NTAQ1: variants seen among roughly 807,000 people sequenced by gnomAD.
The protein encoded by NTAQ1 is N-terminal glutamine amidase 1.
NTAQ1 carries 21 observed loss-of-function variants against 28.2 expected under a neutral mutation model. The ratio of observed to expected loss-of-function variants is 0.74; its 90% CI spans 0.53 to 1.07. NTAQ1 has a LOEUF of 1.07. NTAQ1 is among the 50% of genes least tolerant of loss of function. The pLI is 0.00. For synonymous variants in NTAQ1, 105 were observed against 90.0 expected (o/e 1.17, Z -0.94); for missense variants, 264 against 256.6 (o/e 1.03, Z -0.20).
intron 1 of NTAQ1, among the ~76,000 whole-genome samples, chr8:123,421,512 CTTT>C (rs71310677): frequency 2.2e-5 from 3 of 133,878 alleles, no homozygotes; most frequent in African/African-American, 5.5e-5. Flanking sequence ...TCTCTTTTTC[CTTT>C]TTTTTTTTTT....
intron 6 of NTAQ1, among the ~76,000 whole-genome samples, chr8:123,465,069 A>G (rs907149922): frequency 4.6e-5 from 7 of 152,136 alleles, no homozygotes; most frequent in African/African-American, 1.7e-4. Flanking sequence ...CAGGGGAGAG[A>G]CGATACTGAG....
At chr8:123,468,206 A>G (rs1816002552) in exon 7 of NTAQ1, among the ~76,000 whole-genome samples, 1 of 152,190 alleles carries the variant, frequency 6.6e-6, no homozygotes, top group African/African-American at 2.4e-5. Context: ...ATAAATTCAA[A>G]ACTTTATTTA....
downstream of NTAQ1, among the ~76,000 whole-genome samples, chr8:123,447,009 C>T (rs182818260): frequency 3.1e-3 from 464 of 149,280 alleles, 4 homozygotes; most frequent in African/African-American, 0.011. Flanking sequence ...CATCTGTGCC[C>T]TGTTCATTGT....
Position 123,441,380 on chromosome 8 carries a change from G to A in NTAQ1, c.583G>A (p.Glu195Lys), listed in dbSNP as rs200870379. The A allele has an allele frequency of 2.7e-5, 43 of 1,611,258 alleles. No homozygotes were observed. Among genetic ancestry groups the A allele is most frequent in the Middle Eastern group, 1.7e-4 (1 of 6,056 alleles). Residue 195 changes from glutamate to lysine, a missense_variant, in exon 6 of 6, where the codon GAA becomes AAA. Coordinates refer to ENST00000287387, the MANE Select transcript of NTAQ1 (RefSeq NM_018024.3). ...VGWGAVYTLS[E>K]FTHRFGSKNC The stretch of plus-strand genomic sequence containing the variant: ...ATGGGGCGCCGTCTACACACTATCC[G>A]AATTTACACATCGGTTTGGCAGTAA...
rs529673371 is a variant in NTAQ1, at chr8:123,420,976, G to A, written c.83+4044G>A. Reference sequence around the variant, plus strand: ...TAATTTGTGTATTTTTAGTAGAGACGGGGTTTCACCATGTTGGCCAAGATT... The same window carrying A: ...TAATTTGTGTATTTTTAGTAGAGACAGGGTTTCACCATGTTGGCCAAGATT... On this transcript the variant is annotated intron_variant, in intron 1 of 5. Transcript: ENST00000287387. 1.0e-3 allele frequency among the ~76,000 whole-genome samples: 153 copies of A among 151,656 alleles called. 1 individual carries two copies. Among genetic ancestry groups the A allele is most frequent in the South Asian group, 1.0e-3 (5 of 4,796 alleles).
At chr8:123,451,791 A>G (rs189140887), downstream of NTAQ1, among the ~76,000 whole-genome samples, 3 of 152,328 alleles carry the variant, frequency 2.0e-5, no homozygotes, top group East Asian at 1.9e-4. Flanking sequence ...CCTGTCACCA[A>G]AGGGGTCTGG....
At chr8:123,447,621 A>G (rs1263808795) in intron 6 of NTAQ1, among the ~76,000 whole-genome samples, 1 of 152,174 alleles carries the variant, frequency 6.6e-6, no homozygotes, top group Non-Finnish European at 1.5e-5. Flanking sequence ...ATTCAAATTA[A>G]GGAAAAAAAG....
At chr8:123,469,838 A>C (rs1216545368) in exon 7 of NTAQ1, among the ~76,000 whole-genome samples, 2 of 152,222 alleles carry the variant, frequency 1.3e-5, no homozygotes, top group African/African-American at 4.8e-5. Flanking sequence ...TCTATGCAGA[A>C]TCTCGTCTTC....
chr8:123,432,391 G>A (rs1814450226), intron 3 of NTAQ1, among the ~76,000 whole-genome samples: 3 of 152,092 alleles, frequency 2.0e-5, no homozygotes, highest in Admixed American at 2.0e-4. Flanking sequence ...TGTAATCCCA[G>A]CACTTTGGGA....
chr8:123,458,554 A>G (rs570600949), intron 6 of NTAQ1, among the ~76,000 whole-genome samples: 6 of 151,960 alleles, frequency 3.9e-5, no homozygotes, highest in Admixed American at 1.3e-4. Context: ...CAGAAAGCCC[A>G]TGAGCTCATG....
chr8:123,466,269 C>CACT (rs1815959020), intron 6 of NTAQ1, among the ~76,000 whole-genome samples: 1 of 152,162 alleles, frequency 6.6e-6, no homozygotes, highest in Non-Finnish European at 1.5e-5. Flanking sequence ...ACAACTGTGC[C>CACT]ACTCAGAAGC....
chr8:123,462,363 A>G (rs1815846774), intron 6 of NTAQ1, among the ~76,000 whole-genome samples: 1 of 152,106 alleles, frequency 6.6e-6, no homozygotes, highest in African/African-American at 2.4e-5. Flanking sequence ...TTTGTTTTTA[A>G]TATGAGATTA....
chr8:123,464,177 T>G lies in NTAQ1; in HGVS notation c.373-2902T>G, dbSNP rs115774804. 1.9e-3 allele frequency among the ~76,000 whole-genome samples: 286 copies of G among 152,310 alleles called. 1 individual carries two copies. The highest frequency in any genetic ancestry group is 6.6e-3 in the African/African-American group (275 of 41,554). ...TATTAGCAGTGTGAGAACAGACTAA[T>G]AGAGATGGTCTTGCAGAGTTGTTCC... On this transcript the variant is annotated intron_variant, in intron 6 of 6. Coordinates refer to the NTAQ1 transcript ENST00000650311.
chr8:123,430,101 T>C, intron 3 of NTAQ1, 68 bp downstream of exon 3: 2 of 1,334,022 alleles, frequency 1.5e-6, no homozygotes, highest in South Asian at 1.3e-5. Flanking sequence ...CTGTATGTTT[T>C]GGTAAAGCAG....
chr8:123,453,080 G>A (rs976501624), downstream of NTAQ1, among the ~76,000 whole-genome samples: 1 of 152,184 alleles, frequency 6.6e-6, no homozygotes. Context: ...TGTTAATACA[G>A]TCACACCGTT....
exon 7 of NTAQ1, among the ~76,000 whole-genome samples, chr8:123,467,663 T>C (rs1312029704): frequency 6.6e-6 from 1 of 152,206 alleles, no homozygotes; most frequent in Non-Finnish European, 1.5e-5. Flanking sequence ...GACCAAATCC[T>C]GTAGAATTGT....
intron 5 of NTAQ1, among the ~76,000 whole-genome samples, chr8:123,439,146 A>G (rs937502511): frequency 6.6e-6 from 1 of 150,874 alleles, no homozygotes; most frequent in Non-Finnish European, 1.5e-5. Context: ...CCCAATTACT[A>G]TATGGGCTGC....
chr8:123,451,740 A>G (rs560349345), downstream of NTAQ1, among the ~76,000 whole-genome samples: 4 of 152,104 alleles, frequency 2.6e-5, no homozygotes, highest in African/African-American at 4.8e-5. Flanking sequence ...TATAGTAAGC[A>G]CTCAACAAAT....
At chr8:123,447,342 G>T (rs1563900381) in intron 6 of NTAQ1, among the ~76,000 whole-genome samples, 1 of 151,508 alleles carries the variant, frequency 6.6e-6, no homozygotes, top group African/African-American at 2.4e-5. Flanking sequence ...ATATGAACGT[G>T]TTCTTTTTTA....
Sources: allele counts gnomAD v4.1 joint callset (sites outside exome capture counted in the v4.1 genomes callset), GRCh38; gene constraint gnomAD v4.1.1; transcripts MANE v1.5; gene names NCBI Gene and HGNC (gene_info 2026-07-23, HGNC 2026-07-21).